ASTN2: variants seen among roughly 807,000 people sequenced by gnomAD.
ASTN2 encodes the protein astrotactin 2.
Under a neutral mutation model 139.8 loss-of-function variants are expected in ASTN2, and 54 were observed. The ratio of observed to expected loss-of-function variants is 0.39; its 90% CI spans 0.31 to 0.48. The LOEUF is 0.48. Among genes scored for constraint, ASTN2 ranks in the 20% least tolerant of loss-of-function variants. ASTN2 has a pLI of 0.95. For synonymous variants in ASTN2, 756 were observed against 719.5 expected (o/e 1.05, Z -0.81); for missense variants, 1,565 against 1,725.1 (o/e 0.91, Z 1.64).
At chr9:116,991,986 T>C (rs542847823) in intron 7 of ASTN2, among the ~76,000 whole-genome samples, 1 of 152,282 alleles carries the variant, frequency 6.6e-6, no homozygotes, top group East Asian at 1.9e-4. Context: ...GAAACACTTA[T>C]TTATATGAAT....
intron 3 of ASTN2, among the ~76,000 whole-genome samples, chr9:117,209,989 T>A (rs554003614): frequency 1.3e-5 from 2 of 152,066 alleles, no homozygotes; most frequent in East Asian, 3.8e-4. Context: ...GAATAAAATT[T>A]GAAAATTCCT....
intron 19 of ASTN2, among the ~76,000 whole-genome samples, chr9:116,595,862 A>C (rs1197529732): frequency 6.6e-6 from 1 of 152,202 alleles, no homozygotes; most frequent in Non-Finnish European, 1.5e-5. Flanking sequence ...TATGAAAAAC[A>C]GTATGCAGGT....
intron 1 of ASTN2, among the ~76,000 whole-genome samples, chr9:117,362,029 C>G (rs561812809): frequency 8.7e-4 from 133 of 152,266 alleles, no homozygotes; most frequent in African/African-American, 3.1e-3. Flanking sequence ...GGCTGGAGTG[C>G]AGTAGCGCAA....
At chr9:117,368,547 T>A (rs914570902) in intron 1 of ASTN2, among the ~76,000 whole-genome samples, 16 of 152,176 alleles carry the variant, frequency 1.1e-4, no homozygotes, top group African/African-American at 3.4e-4. Context: ...TTGCAATGTG[T>A]GTAACAGGTG....
intron 2 of ASTN2, among the ~76,000 whole-genome samples, chr9:117,266,669 C>T (rs3900788): frequency 0.23 from 34,897 of 152,096 alleles, 4,723 homozygotes; most frequent in Middle Eastern, 0.29. Context: ...ATTTTTTCTC[C>T]TTCCTTTCAT....
intron 13 of ASTN2, among the ~76,000 whole-genome samples, chr9:116,752,242 G>A (rs1053554045): frequency 7.9e-5 from 12 of 152,132 alleles, no homozygotes; most frequent in African/African-American, 2.9e-4. Context: ...GCAGTTCAGT[G>A]GAGAAAAGGT....
intron 2 of ASTN2, among the ~76,000 whole-genome samples, chr9:117,244,887 C>A (rs1022343141): frequency 6.6e-6 from 1 of 151,986 alleles, no homozygotes; most frequent in African/African-American, 2.4e-5. Context: ...CTATCATCAA[C>A]GTGAGAGAAA....
chr9:117,342,934 G>A (rs1429913942), intron 1 of ASTN2, among the ~76,000 whole-genome samples: 18 of 152,180 alleles, frequency 1.2e-4, no homozygotes, highest in Admixed American at 1.2e-3. Flanking sequence ...GGAGGCCACA[G>A]ACCAGAAGTC....
intron 20 of ASTN2, among the ~76,000 whole-genome samples, chr9:116,451,831 G>GGTCT (rs746588374): frequency 6.7e-5 from 4 of 59,406 alleles, no homozygotes; most frequent in Non-Finnish European, 8.8e-5. Context: ...CTATGCAAAT[G>GGTCT]ATCTGAGTGT....
chr9:116,947,173 C>T (rs759899034), intron 10 of ASTN2, among the ~76,000 whole-genome samples: 2 of 152,032 alleles, frequency 1.3e-5, no homozygotes, highest in Non-Finnish European at 2.9e-5. Flanking sequence ...TATTTTATTC[C>T]CTGATCCATC....
chr9:116,907,388 A>T (rs1834190955), intron 10 of ASTN2, among the ~76,000 whole-genome samples: 1 of 152,172 alleles, frequency 6.6e-6, no homozygotes, highest in Non-Finnish European at 1.5e-5. Flanking sequence ...AGAGTATGAG[A>T]CAACCCCTCA....
chr9:117,207,853 C>T (rs1431796128), intron 3 of ASTN2, among the ~76,000 whole-genome samples: 4 of 152,202 alleles, frequency 2.6e-5, no homozygotes, highest in Admixed American at 2.6e-4. Context: ...TCACCACAAA[C>T]TCTCTCAGCC....
intron 11 of ASTN2, among the ~76,000 whole-genome samples, chr9:116,856,456 T>C (rs1046598894): frequency 2.0e-5 from 3 of 152,172 alleles, no homozygotes; most frequent in Non-Finnish European, 4.4e-5. Flanking sequence ...TGACTCTTCT[T>C]GCTAGTCTTC....
At chr9:116,456,882 C>A (rs1036085450) in intron 20 of ASTN2, among the ~76,000 whole-genome samples, 2 of 152,114 alleles carry the variant, frequency 1.3e-5, no homozygotes, top group Non-Finnish European at 2.9e-5. Flanking sequence ...ACCAAAGACA[C>A]AAAATAGCCA....
intron 3 of ASTN2, among the ~76,000 whole-genome samples, chr9:117,159,812 T>A (rs1830507936): frequency 6.6e-6 from 1 of 152,068 alleles, no homozygotes. Context: ...CTTAGCTAGT[T>A]ATGGCAATTA....
chr9:116,783,004 A>G (rs572893746), intron 13 of ASTN2, among the ~76,000 whole-genome samples: 1 of 152,272 alleles, frequency 6.6e-6, no homozygotes, highest in Non-Finnish European at 1.5e-5. Context: ...CATGTGATCC[A>G]GGGGACTTTT....
intron 3 of ASTN2, among the ~76,000 whole-genome samples, chr9:117,149,543 A>G (rs1438012183): frequency 2.0e-5 from 3 of 152,098 alleles, no homozygotes; most frequent in Non-Finnish European, 4.4e-5. Flanking sequence ...GCACAGTCAA[A>G]TGCCAGGACT....
intron 13 of ASTN2, among the ~76,000 whole-genome samples, chr9:116,769,674 G>A (rs1185638623): frequency 6.6e-6 from 1 of 152,138 alleles, no homozygotes; most frequent in African/African-American, 2.4e-5. Context: ...GAATATATGT[G>A]TATGTGGCAC....
At chr9:117,067,324 C>T (rs1320720798) in intron 5 of ASTN2, among the ~76,000 whole-genome samples, 3 of 139,158 alleles carry the variant, frequency 2.2e-5, no homozygotes, top group South Asian at 2.5e-4. Context: ...TGTAGGTATG[C>T]GGCATTATTT....
Sources: allele counts gnomAD v4.1 joint callset (sites outside exome capture counted in the v4.1 genomes callset), GRCh38; gene constraint gnomAD v4.1.1; transcripts MANE v1.5; gene names NCBI Gene and HGNC (gene_info 2026-07-23, HGNC 2026-07-21).